ARB2A: variants seen among roughly 807,000 people sequenced by gnomAD.
ARB2A encodes the protein ARB2 cotranscriptional regulator A.
At chr5:94,107,065 G>C in the ARB2A span, among the ~76,000 whole-genome samples, 1 of 151,766 alleles carries the variant, frequency 6.6e-6, no homozygotes, top group African/African-American at 2.4e-5. Context: ...TAAAATAAAA[G>C]TTGGAAAGGA....
chr5:94,074,452 T>C, the ARB2A span, among the ~76,000 whole-genome samples: 1 of 152,114 alleles, frequency 6.6e-6, no homozygotes, highest in Non-Finnish European at 1.5e-5. Context: ...AATTACATGA[T>C]CCCGTGATTT....
the ARB2A span, among the ~76,000 whole-genome samples, chr5:94,000,726 A>G: frequency 6.6e-6 from 1 of 152,104 alleles, no homozygotes; most frequent in East Asian, 1.9e-4. Context: ...AGTCATTAAC[A>G]TACCCAAGGT....
At chr5:93,912,284 G>A in the ARB2A span, among the ~76,000 whole-genome samples, 1 of 151,774 alleles carries the variant, frequency 6.6e-6, no homozygotes, top group East Asian at 1.9e-4. Context: ...CTCCCAAAAT[G>A]TTCAGAATAA....
At chr5:93,904,606 T>A in the ARB2A span, among the ~76,000 whole-genome samples, 1 of 151,850 alleles carries the variant, frequency 6.6e-6, no homozygotes, top group Non-Finnish European at 1.5e-5. Flanking sequence ...ATAAATCATG[T>A]ATAGTGTGGA....
the ARB2A span, among the ~76,000 whole-genome samples, chr5:93,879,073 TA>T: frequency 6.6e-6 from 1 of 152,104 alleles, no homozygotes. Context: ...AAAGTTAGTT[TA>T]GTTCCATCAT....
chr5:93,805,556 C>T, the ARB2A span: 21 of 985,142 alleles, frequency 2.1e-5, no homozygotes, highest in Non-Finnish European at 2.4e-5. Context: ...AGGCATCATA[C>T]AGCATCCTTC....
chr5:93,623,280 T>TG, the ARB2A span, among the ~76,000 whole-genome samples: 2 of 151,702 alleles, frequency 1.3e-5, no homozygotes, highest in African/African-American at 4.8e-5. Context: ...AGGTGTTAAT[T>TG]GTCTCTTTTC....
the ARB2A span, among the ~76,000 whole-genome samples, chr5:93,821,397 T>C: frequency 2.0e-5 from 3 of 152,314 alleles, 1 homozygote; most frequent in East Asian, 5.8e-4. Context: ...AAGGATTTAC[T>C]GTCTGACATG....
the ARB2A span, among the ~76,000 whole-genome samples, chr5:94,063,723 T>C: frequency 6.6e-6 from 1 of 152,066 alleles, no homozygotes; most frequent in African/African-American, 2.4e-5. Context: ...AACTGCACTC[T>C]AAGCCACTGA....
chr5:93,993,966 T>C, the ARB2A span, among the ~76,000 whole-genome samples: 2 of 152,144 alleles, frequency 1.3e-5, no homozygotes, highest in African/African-American at 4.8e-5. Flanking sequence ...ATGGGCCACC[T>C]GAGGCAGGCA....
chr5:93,918,436 T>C, the ARB2A span, among the ~76,000 whole-genome samples: 25 of 145,942 alleles, frequency 1.7e-4, no homozygotes, highest in Admixed American at 8.2e-4. Flanking sequence ...ATTTCTTTTT[T>C]TTTTTTTTTT....
the ARB2A span, among the ~76,000 whole-genome samples, chr5:94,023,896 G>A: frequency 6.6e-6 from 1 of 152,276 alleles, no homozygotes; most frequent in African/African-American, 2.4e-5. Flanking sequence ...ATAGTGTGCT[G>A]AAATACATAT....
chr5:93,865,269 G>T, the ARB2A span: 1 of 354,482 alleles, frequency 2.8e-6, no homozygotes, highest in Non-Finnish European at 3.9e-6. Context: ...TTTTAATAGA[G>T]ATGGGGTTTC....
chr5:93,895,704 G>A, the ARB2A span, among the ~76,000 whole-genome samples: 6 of 152,000 alleles, frequency 3.9e-5, no homozygotes, highest in African/African-American at 1.4e-4. Context: ...AGTGGTCACA[G>A]AAATCATTGA....
the ARB2A span, among the ~76,000 whole-genome samples, chr5:93,995,376 T>C: frequency 6.6e-6 from 1 of 152,230 alleles, no homozygotes; most frequent in South Asian, 2.1e-4. Context: ...AATAATACCA[T>C]GGGACCCGTA....
chr5:93,628,682 C>T, the ARB2A span, among the ~76,000 whole-genome samples: 1 of 152,204 alleles, frequency 6.6e-6, no homozygotes, highest in Admixed American at 6.5e-5. Flanking sequence ...GAGATGGCTT[C>T]TTTCCTTAAA....
chr5:93,713,386 A>C, the ARB2A span, among the ~76,000 whole-genome samples: 1 of 152,204 alleles, frequency 6.6e-6, no homozygotes, highest in Non-Finnish European at 1.5e-5. Flanking sequence ...CGATTTAAAA[A>C]TGTACAAAAG....
the ARB2A span, among the ~76,000 whole-genome samples, chr5:93,622,546 G>T: frequency 6.6e-6 from 1 of 152,184 alleles, no homozygotes; most frequent in Non-Finnish European, 1.5e-5. Flanking sequence ...TACAGTCTGT[G>T]CCTGACTTAG....
chr5:93,809,535 A>G, the ARB2A span, among the ~76,000 whole-genome samples: 1 of 152,124 alleles, frequency 6.6e-6, no homozygotes, highest in Non-Finnish European at 1.5e-5. Flanking sequence ...ATAACTAAAC[A>G]CGTCATTCAT....
Sources: gnomAD v4.1 joint callset for allele counts (sites outside exome capture counted in the v4.1 genomes callset) on GRCh38, gnomAD v4.1.1 for gene constraint, MANE v1.5 for transcripts, NCBI Gene and HGNC (gene_info 2026-07-23, HGNC 2026-07-21) for gene names.